The following DPP10 variants were observed in gnomAD, a reference collection of about 807,000 sequenced individuals.
The protein encoded by DPP10 is dipeptidyl peptidase like 10, also known as inactive dipeptidyl peptidase 10.
A neutral mutation model predicts 120.9 loss-of-function variants in DPP10; 33 were observed. That is an observed-to-expected ratio of 0.27 (90% confidence interval 0.21 to 0.37). DPP10 has a LOEUF of 0.37. DPP10 is among the 10% of genes least tolerant of loss of function. The pLI, the probability that DPP10 is intolerant of heterozygous loss-of-function variation, is 1.00. For synonymous variants in DPP10, 337 were observed against 326.1 expected, an observed-to-expected ratio of 1.03 and a Z score of -0.36; for missense variants, 816 against 942.8, an observed-to-expected ratio of 0.87 and a Z score of 1.76.
chr2:114,893,910 C>G (rs17043738), intron 1 of DPP10, among the ~76,000 whole-genome samples: 3,841 of 152,204 alleles, frequency 0.025, 155 homozygotes, highest in African/African-American at 0.083. Flanking sequence ...GTGGTCCTAT[C>G]TTCTGAGTAC....
At chr2:115,198,720 C>T (rs1420170273) in intron 1 of DPP10, among the ~76,000 whole-genome samples, 1 of 152,130 alleles carries the variant, frequency 6.6e-6, no homozygotes, top group East Asian at 1.9e-4. Flanking sequence ...CCCACCCAGA[C>T]TTAAGATCAG....
At chr2:114,600,038 T>C (rs1424630905) in intron 1 of DPP10, among the ~76,000 whole-genome samples, 2 of 151,716 alleles carry the variant, frequency 1.3e-5, no homozygotes, top group Non-Finnish European at 3.0e-5. Context: ...TTGGGATTCA[T>C]TGAGCTTCCT....
Position 114,445,106 on chromosome 2 carries a change from G to A in DPP10, c.60+2268G>A, listed in dbSNP as rs191320559. On this transcript the variant is annotated intron_variant, in intron 1 of 25. Coordinates refer to ENST00000410059, the MANE Select transcript of DPP10 (RefSeq NM_020868.6). ...GATGAGAGGGTTTTGGGAAGCTGTG[G>A]GACATTGGAGCTCAAAATACTCTTT... Among the ~76,000 whole-genome samples the A allele has an allele frequency of 2.5e-3, 388 of 152,166 alleles. 4 individuals carry two copies. Among genetic ancestry groups the A allele is most frequent in the Admixed American group, 4.1e-3 (63 of 15,280 alleles).
intron 4 of DPP10, among the ~76,000 whole-genome samples, chr2:115,508,594 C>T (rs551450689): frequency 8.5e-5 from 13 of 152,218 alleles, no homozygotes; most frequent in East Asian, 1.9e-4. Flanking sequence ...AAATAAGTCA[C>T]GGAAAGCTTT....
chr2:115,819,558 G>GTTCTGTA (rs1165759387), intron 21 of DPP10, among the ~76,000 whole-genome samples: 3 of 151,810 alleles, frequency 2.0e-5, no homozygotes, highest in Non-Finnish European at 4.4e-5. Flanking sequence ...TTTCTGGCTG[G>GTTCTGTA]TTGTTCTCTA....
intron 1 of DPP10, among the ~76,000 whole-genome samples, chr2:114,940,278 C>G (rs1696794539): frequency 6.6e-6 from 1 of 152,140 alleles, no homozygotes; most frequent in African/African-American, 2.4e-5. Flanking sequence ...AAGAAGCTTA[C>G]ACTGCTCTTT....
intron 5 of DPP10, among the ~76,000 whole-genome samples, chr2:115,591,407 A>G (rs966993018): frequency 1.3e-5 from 2 of 152,226 alleles, no homozygotes; most frequent in African/African-American, 4.8e-5. Context: ...TTTATTAAAT[A>G]GGGAATTCTT....
In DPP10 at chr2:114,486,143, T is replaced by C. The variant is rs376507201; in HGVS notation, c.60+43305T>C. Among the ~76,000 whole-genome samples, 41 of 152,280 alleles carry C rather than the reference T, an allele frequency of 2.7e-4. No homozygotes were observed. The East Asian group carries it at 3.3e-3, about 12-fold the overall frequency. On this transcript the variant is annotated intron_variant, in intron 1 of 25. Coordinates refer to ENST00000410059, the MANE Select transcript of DPP10 (RefSeq NM_020868.6). ...TTAAGAAATTCTGGAAATTCAACGC[T>C]GTAGTACTGCCATCCTGTGTAGATC...
intron 1 of DPP10, among the ~76,000 whole-genome samples, chr2:115,287,036 A>T (rs953331477): frequency 4.6e-5 from 7 of 152,084 alleles, no homozygotes; most frequent in African/African-American, 1.7e-4. Flanking sequence ...AGAATAATTG[A>T]TAAGAGTTGA....
intron 3 of DPP10, among the ~76,000 whole-genome samples, chr2:115,430,423 A>G (rs1040616204): frequency 8.5e-5 from 13 of 152,194 alleles, no homozygotes; most frequent in Admixed American, 2.0e-4. Flanking sequence ...CTGTGAATGT[A>G]TCATAGAGAA....
intron 3 of DPP10, among the ~76,000 whole-genome samples, chr2:115,380,672 AT>A (rs2066253785): frequency 6.6e-6 from 1 of 151,450 alleles, no homozygotes; most frequent in Non-Finnish European, 1.5e-5. Flanking sequence ...TTTTGGCATG[AT>A]TTTGCAGTGG....
chr2:115,093,275 T>C (rs1240331666), intron 1 of DPP10, among the ~76,000 whole-genome samples: 1 of 152,116 alleles, frequency 6.6e-6, no homozygotes, highest in Non-Finnish European at 1.5e-5. Flanking sequence ...AATTCAGTCA[T>C]ATAGTCACAA....
intron 1 of DPP10, among the ~76,000 whole-genome samples, chr2:115,286,087 A>G (rs2060351892): frequency 6.6e-6 from 1 of 151,848 alleles, no homozygotes; most frequent in Admixed American, 6.6e-5. Context: ...ACTCTTTTTC[A>G]TTACTGCAGG....
At chr2:115,764,040 T>A (rs1680420122) in intron 12 of DPP10, among the ~76,000 whole-genome samples, 1 of 152,168 alleles carries the variant, frequency 6.6e-6, no homozygotes, top group Non-Finnish European at 1.5e-5. Flanking sequence ...TCACTTCCTC[T>A]AACTAGCCTA....
chr2:115,723,306 G>A (rs1023012282), intron 7 of DPP10, among the ~76,000 whole-genome samples: 8 of 152,112 alleles, frequency 5.3e-5, no homozygotes, highest in African/African-American at 1.2e-4. Flanking sequence ...ATGGGCTTCC[G>A]TCGAATTCTT....
intron 1 of DPP10, chr2:115,162,404 C>T (rs1471699051): frequency 7.9e-7 from 1 of 1,266,856 alleles, no homozygotes; most frequent in Non-Finnish European, 1.0e-6. Context: ...GCGCTCCTGA[C>T]GGCCGCTCAC....
intron 1 of DPP10, among the ~76,000 whole-genome samples, chr2:114,815,230 A>G (rs909394423): frequency 1.3e-5 from 2 of 152,214 alleles, no homozygotes; most frequent in Non-Finnish European, 2.9e-5. Context: ...AGTCAAAAAT[A>G]TTCTATTTTG....
intron 1 of DPP10, among the ~76,000 whole-genome samples, chr2:115,061,476 A>G (rs1440238853): frequency 6.6e-6 from 1 of 152,244 alleles, no homozygotes; most frequent in Non-Finnish European, 1.5e-5. Context: ...ATCTGTACAC[A>G]AATAACATAT....
chr2:114,606,580 C>T (rs1422098105), intron 1 of DPP10, among the ~76,000 whole-genome samples: 2 of 152,066 alleles, frequency 1.3e-5, no homozygotes, highest in African/African-American at 4.8e-5. Flanking sequence ...GTCTAGAGTA[C>T]AATGAGTGGG....
Sources: gnomAD v4.1 joint callset for allele counts (sites outside exome capture counted in the v4.1 genomes callset) on GRCh38, gnomAD v4.1.1 for gene constraint, MANE v1.5 for transcripts, NCBI Gene and HGNC (gene_info 2026-07-23, HGNC 2026-07-21) for gene names.